NPFFR2: variants seen among roughly 807,000 people sequenced by gnomAD.
The protein encoded by NPFFR2 is G-protein coupled receptor 74.
A neutral mutation model predicts 13.1 loss-of-function variants in NPFFR2; 15 were observed. The ratio of observed to expected loss-of-function variants is 1.15; its 90% CI spans 0.77 to 1.76. The LOEUF is 1.76. Ranked by LOEUF, NPFFR2 falls within the 40% of genes most tolerant of loss-of-function variation. The pLI, the probability that NPFFR2 is intolerant of heterozygous loss-of-function variation, is 0.00. For missense variants in NPFFR2, 572 were observed against 503.5 expected, an observed-to-expected ratio of 1.14 and a Z score of -1.30; for synonymous variants, 190 against 175.7, an observed-to-expected ratio of 1.08 and a Z score of -0.65.
At chr4:72,104,002 A>G (rs1391536507) in intron 1 of NPFFR2, among the ~76,000 whole-genome samples, 1 of 152,084 alleles carries the variant, frequency 6.6e-6, no homozygotes, top group African/African-American at 2.4e-5. Flanking sequence ...GAAGATTAGC[A>G]TTCTTGGTGG....
intron 1 of NPFFR2, among the ~76,000 whole-genome samples, chr4:72,123,207 T>C (rs1486585190): frequency 6.6e-5 from 10 of 152,072 alleles, no homozygotes; most frequent in Non-Finnish European, 4.4e-5. Flanking sequence ...CTCCCAAGAC[T>C]AAACCAGGAA....
Position 72,058,156 on chromosome 4 carries a change from G to C in NPFFR2, c.-8+25956G>C, listed in dbSNP as rs531521344. Among the ~76,000 whole-genome samples the C allele has an allele frequency of 5.9e-5, 9 of 152,050 alleles. No homozygotes were observed. In the South Asian group the frequency reaches 1.7e-3, roughly 28 times the overall value. ...TGATAATTTCCTGATTTTGATTATC[G>C]TGTTGTGTAGGAGAATGTGTTTATT... On this transcript the variant is annotated intron_variant, in intron 1 of 3. Coordinates refer to ENST00000308744, the MANE Select transcript of NPFFR2 (RefSeq NM_004885.3).
chr4:72,117,366 T>C (rs1382327679), intron 1 of NPFFR2, among the ~76,000 whole-genome samples: 2 of 152,238 alleles, frequency 1.3e-5, no homozygotes, highest in African/African-American at 4.8e-5. Context: ...TGTTGGCATA[T>C]GAATACATGT....
In NPFFR2 at chr4:72,147,845, C is replaced by T. The variant is rs200069388; in HGVS notation, c.*33C>T. 6.6e-5 allele frequency: 91 copies of T among 1,388,336 alleles called. 1 individual carries two copies. Among genetic ancestry groups the T allele is most frequent in the East Asian group, 4.6e-4 (20 of 43,152 alleles). The allele number at this position is 1,388,336 out of a possible 1,614,324, so 86.0% of individuals were successfully genotyped here. Reference sequence around the variant, plus strand: ...TAGTGTGATAATCCTAACTCTACTACGCATTATATATTTAAATCCATTGCT... The same window carrying T: ...TAGTGTGATAATCCTAACTCTACTATGCATTATATATTTAAATCCATTGCT... On this transcript the variant is annotated 3_prime_UTR_variant, in exon 4 of 4. Coordinates refer to ENST00000308744, the MANE Select transcript of NPFFR2 (RefSeq NM_004885.3).
chr4:72,100,065 T>C (rs1256298904), intron 1 of NPFFR2, among the ~76,000 whole-genome samples: 4 of 152,206 alleles, frequency 2.6e-5, no homozygotes, highest in Non-Finnish European at 5.9e-5. Flanking sequence ...TCTAACTTAA[T>C]ATGTGGTTAT....
intron 1 of NPFFR2, among the ~76,000 whole-genome samples, chr4:72,114,278 C>G (rs1235160088): frequency 2.0e-5 from 3 of 152,082 alleles, no homozygotes; most frequent in Non-Finnish European, 4.4e-5. Context: ...GAAGCCTCCC[C>G]TCATGCTTGT....
intron 1 of NPFFR2, among the ~76,000 whole-genome samples, chr4:72,089,470 C>G (rs896935274): frequency 6.6e-6 from 1 of 152,138 alleles, no homozygotes; most frequent in African/African-American, 2.4e-5. Flanking sequence ...CTTTTCATCA[C>G]ATTCTTGCCC....
chr4:72,047,091 A>G (rs1719400373), intron 1 of NPFFR2, among the ~76,000 whole-genome samples: 1 of 152,124 alleles, frequency 6.6e-6, no homozygotes, highest in African/African-American at 2.4e-5. Context: ...GTGAGACGTG[A>G]GGGATGACTT....
At chr4:72,139,571 T>C (rs1360068550) in intron 3 of NPFFR2, among the ~76,000 whole-genome samples, 1 of 152,154 alleles carries the variant, frequency 6.6e-6, no homozygotes, top group African/African-American at 2.4e-5. Flanking sequence ...TGGATGTAGA[T>C]GTGTGGTGTT....
intron 1 of NPFFR2, among the ~76,000 whole-genome samples, chr4:72,074,532 G>A (rs1374049657): frequency 1.3e-5 from 2 of 151,922 alleles, no homozygotes; most frequent in Non-Finnish European, 2.9e-5. Flanking sequence ...TTATGTGTAG[G>A]AAAAACCATA....
chr4:72,056,035 A>G (rs1429703627), intron 1 of NPFFR2, among the ~76,000 whole-genome samples: 3 of 152,164 alleles, frequency 2.0e-5, no homozygotes, highest in Non-Finnish European at 2.9e-5. Flanking sequence ...AAACTGCCTC[A>G]GGTTATCCAG....
rs762005002 is a variant in NPFFR2, at chr4:72,128,661, C to G, written c.70C>G (p.His24Asp). 3.1e-6 allele frequency: 5 copies of G among 1,613,386 alleles called. No individual in the cohort carries two copies. In the East Asian group the frequency reaches 1.1e-4, roughly 36 times the overall value. Residue 24 changes from histidine (H) to aspartate (D), a missense_variant, in exon 2 of 4, where the codon CAT becomes GAT. Coordinates refer to ENST00000308744, the MANE Select transcript of NPFFR2 (RefSeq NM_004885.3). ...HPIWNVNDTKHHLYSDINITY... is the reference protein window; with the variant it reads ...HPIWNVNDTKDHLYSDINITY... Reference sequence around the variant, plus strand: ...CATCTGGAATGTCAATGACACAAAGCATCATCTGTACTCAGATATTAATAT... The same window carrying G: ...CATCTGGAATGTCAATGACACAAAGGATCATCTGTACTCAGATATTAATAT...
chr4:72,092,571 TCC>T (rs1720944020), intron 1 of NPFFR2, among the ~76,000 whole-genome samples: 1 of 152,132 alleles, frequency 6.6e-6, no homozygotes, highest in Non-Finnish European at 1.5e-5. Flanking sequence ...GTTAGACTAG[TCC>T]TCTTATCATC....
intron 1 of NPFFR2, among the ~76,000 whole-genome samples, chr4:72,110,155 A>ACC (rs1409507972): frequency 6.6e-6 from 1 of 151,758 alleles, no homozygotes; most frequent in African/African-American, 2.4e-5. Context: ...AGGGGTGGTT[A>ACC]CCCCCATGCT....
intron 1 of NPFFR2, among the ~76,000 whole-genome samples, chr4:72,061,074 C>A (rs539857090): frequency 6.6e-6 from 1 of 152,126 alleles, no homozygotes; most frequent in South Asian, 2.1e-4. Context: ...GGGAAAGCTG[C>A]TGCTGGCTGT....
chr4:72,113,365 G>C (rs1459952766), intron 1 of NPFFR2, among the ~76,000 whole-genome samples: 1 of 151,898 alleles, frequency 6.6e-6, no homozygotes, highest in African/African-American at 2.4e-5. Flanking sequence ...CACTAGCCAG[G>C]GGATAGAAAT....
chr4:72,105,899 A>G (rs1721406484), intron 1 of NPFFR2, among the ~76,000 whole-genome samples: 2 of 152,040 alleles, frequency 1.3e-5, no homozygotes, highest in Non-Finnish European at 2.9e-5. Context: ...ATGTTATAAC[A>G]CTATCGAACT....
chr4:72,080,794 G>A (rs892444736), intron 1 of NPFFR2, among the ~76,000 whole-genome samples: 1 of 146,830 alleles, frequency 6.8e-6, no homozygotes, highest in African/African-American at 2.7e-5. Context: ...TTTACTCTCA[G>A]AAAGATCTAA....
chr4:72,101,711 A>G (rs1223517643), intron 1 of NPFFR2, among the ~76,000 whole-genome samples: 1 of 152,036 alleles, frequency 6.6e-6, no homozygotes, highest in African/African-American at 2.4e-5. Context: ...TCAAAACATC[A>G]ACAAAAGCAA....
Sources: allele counts gnomAD v4.1 joint callset (sites outside exome capture counted in the v4.1 genomes callset), GRCh38; gene constraint gnomAD v4.1.1; transcripts MANE v1.5; gene names NCBI Gene and HGNC (gene_info 2026-07-23, HGNC 2026-07-21).